Variants in PRKN observed in about 807,000 individuals in gnomAD.
The protein encoded by PRKN is E3 ubiquitin-protein ligase parkin.
PRKN carries 56 observed loss-of-function variants against 59.5 expected under a neutral mutation model. That is an observed-to-expected ratio of 0.94 (90% confidence interval 0.76 to 1.18). The LOEUF is 1.18. Among genes scored for constraint, PRKN ranks in the 50% most tolerant of loss-of-function variants. The pLI is 0.00. For synonymous variants in PRKN, 250 were observed against 222.1 expected (o/e 1.13, Z -1.12); for missense variants, 657 against 596.4 (o/e 1.10, Z -1.06).
intron 1 of PRKN, among the ~76,000 whole-genome samples, chr6:162,495,192 G>A (rs934749537): frequency 2.6e-4 from 40 of 152,136 alleles, no homozygotes; most frequent in African/African-American, 9.7e-4. Context: ...GTTATTCAAA[G>A]AAGTATTTGA....
chr6:162,163,719 C>T (rs1055225998), intron 4 of PRKN, among the ~76,000 whole-genome samples: 4 of 149,110 alleles, frequency 2.7e-5, no homozygotes, highest in African/African-American at 1.0e-4. Context: ...AAGCAAAGTT[C>T]CGTCCAACAG....
chr6:161,649,565 C>T (rs1001836936), intron 7 of PRKN, among the ~76,000 whole-genome samples: 1 of 152,128 alleles, frequency 6.6e-6, no homozygotes, highest in South Asian at 2.1e-4. Context: ...GGTTTAGAGA[C>T]GTAGTTCATG....
intron 7 of PRKN, among the ~76,000 whole-genome samples, chr6:161,779,243 A>T (rs1790085062): frequency 6.6e-6 from 1 of 151,942 alleles, no homozygotes; most frequent in African/African-American, 2.4e-5. Flanking sequence ...CCTAGCCAAC[A>T]TATGTTATTT....
intron 5 of PRKN, among the ~76,000 whole-genome samples, chr6:162,045,745 TG>T (rs1390910977): frequency 2.8e-4 from 43 of 152,330 alleles, no homozygotes; most frequent in Non-Finnish European, 5.4e-4. Flanking sequence ...ATCAATCACC[TG>T]CTGGAAGGAC....
chr6:162,191,739 G>A (rs115598323), intron 4 of PRKN, among the ~76,000 whole-genome samples: 1,893 of 152,236 alleles, frequency 0.012, 47 homozygotes, highest in African/African-American at 0.042. Context: ...CACCGTGCCC[G>A]GCCAGAATTA....
At chr6:162,444,071 T>C (rs1341722822) in intron 1 of PRKN, among the ~76,000 whole-genome samples, 1 of 152,084 alleles carries the variant, frequency 6.6e-6, no homozygotes, top group Non-Finnish European at 1.5e-5. Context: ...GTGACACCAT[T>C]TGTCTTATTG....
intron 7 of PRKN, among the ~76,000 whole-genome samples, chr6:161,737,261 A>C (rs1188787321): frequency 6.6e-6 from 1 of 152,228 alleles, no homozygotes; most frequent in East Asian, 1.9e-4. Context: ...GGAATGAACT[A>C]AATCAGGGGA....
chr6:161,451,168 G>C lies in PRKN; in HGVS notation c.1084-64291C>G, dbSNP rs1467753662. The stretch of plus-strand genomic sequence containing the variant: ...ATTTCTCTTAGGTCCCAGCACCGCA[G>C]AAAATCATCTTGAACACCTCCCAAG... On this transcript the variant is annotated intron_variant, in intron 9 of 11. Transcript: ENST00000366898. The surrounding 1 kb of genome is among the most constrained non-coding windows in gnomAD (Gnocchi z 5.9). Among the ~76,000 whole-genome samples, 2 of 152,092 alleles carry C rather than the reference G, an allele frequency of 1.3e-5. No individual in the cohort carries two copies. The highest frequency in any genetic ancestry group is 2.9e-5 in the Non-Finnish European group (2 of 68,026).
chr6:161,351,891 A>G (rs1461756655), intron 11 of PRKN, among the ~76,000 whole-genome samples: 1 of 152,200 alleles, frequency 6.6e-6, no homozygotes, highest in African/African-American at 2.4e-5. Flanking sequence ...TATTTTCAGC[A>G]TAAGAGGAAA....
At chr6:161,998,691 A>G (rs1781934274) in intron 5 of PRKN, among the ~76,000 whole-genome samples, 1 of 152,162 alleles carries the variant, frequency 6.6e-6, no homozygotes, top group Non-Finnish European at 1.5e-5. Flanking sequence ...AGGAAGTTTC[A>G]GCGAATTGCC....
At chr6:162,294,244 GCT>G (rs1562647228) in intron 2 of PRKN, among the ~76,000 whole-genome samples, 1 of 152,110 alleles carries the variant, frequency 6.6e-6, no homozygotes, top group Non-Finnish European at 1.5e-5. Context: ...CGAGCCAAAA[GCT>G]CTGTTTCCTG....
intron 1 of PRKN, among the ~76,000 whole-genome samples, chr6:162,643,412 A>AAAAAAAAAAAAAAAAAAG (rs71784410): frequency 7.2e-6 from 1 of 139,612 alleles, no homozygotes; most frequent in African/African-American, 2.5e-5. Context: ...AAAAAAAAAA[A>AAAAAAAAAAAAAAAAAAG]AAAGAAAGAA....
In PRKN at chr6:162,568,659, A is replaced by G. The variant is rs181625223; in HGVS notation, c.8-125186T>C. ...GGTACGGTTCCTGGAGCAGCAGAAC[A>G]ACATGCTAGAGACCAAGTGGAGCCT... is the stretch of plus-strand genomic sequence containing the variant. On this transcript the variant is annotated intron_variant, in intron 1 of 11. Transcript: ENST00000366898. 1,145 of 916,132 alleles carry G rather than the reference A, an allele frequency of 1.2e-3. 10 individuals carry two copies. Among genetic ancestry groups the G allele is most frequent in the South Asian group, 9.4e-3 (727 of 77,570 alleles). 56.8% of individuals were successfully genotyped at this position (916,132 alleles called of 1,614,324 possible). A position where few individuals can be genotyped will look rare whatever the true frequency, so the allele number is the denominator to read the frequency against.
chr6:161,625,970 T>G (rs1467611580), intron 7 of PRKN, among the ~76,000 whole-genome samples: 1 of 152,180 alleles, frequency 6.6e-6, no homozygotes, highest in Non-Finnish European at 1.5e-5. Context: ...TTCATTACAG[T>G]ATAAAGTAAA....
intron 2 of PRKN, among the ~76,000 whole-genome samples, chr6:162,366,406 A>C (rs1785440367): frequency 6.6e-6 from 1 of 152,178 alleles, no homozygotes; most frequent in Admixed American, 6.5e-5. Context: ...AAGAACTATT[A>C]TTCTTTTAAA....
intron 4 of PRKN, among the ~76,000 whole-genome samples, chr6:162,190,613 T>C (rs1325102029): frequency 6.6e-6 from 1 of 152,196 alleles, no homozygotes; most frequent in Non-Finnish European, 1.5e-5. Context: ...TATTCCCAGA[T>C]GGAAGAGCAT....
intron 9 of PRKN, among the ~76,000 whole-genome samples, chr6:161,537,662 T>G (rs113015238): frequency 4.8e-4 from 73 of 152,162 alleles, no homozygotes; most frequent in South Asian, 1.0e-3. Flanking sequence ...CATGTTAGCC[T>G]GGATGGTCTC....
chr6:162,608,221 A>G (rs1450635302), intron 1 of PRKN, among the ~76,000 whole-genome samples: 7 of 152,236 alleles, frequency 4.6e-5, no homozygotes, highest in Non-Finnish European at 1.0e-4. Flanking sequence ...AGACTGACGT[A>G]TCGGGAGAAA....
chr6:162,718,203 A>AC (rs1175577637), intron 1 of PRKN, among the ~76,000 whole-genome samples: 6 of 151,470 alleles, frequency 4.0e-5, no homozygotes, highest in African/African-American at 1.5e-4. Context: ...TAAGACAAAA[A>AC]AAATCTTATT....
Sources: allele counts gnomAD v4.1 joint callset (sites outside exome capture counted in the v4.1 genomes callset), GRCh38; gene constraint gnomAD v4.1.1; non-coding constraint Gnocchi (gnomAD v3.1); transcripts MANE v1.5; gene names NCBI Gene and HGNC (gene_info 2026-07-23, HGNC 2026-07-21).